ZFAND3: variants seen among roughly 807,000 people sequenced by gnomAD.
The protein encoded by ZFAND3 is zinc finger AN1-type containing 3.
In ZFAND3, 10 loss-of-function variants were observed where a neutral mutation model predicts 29.6. The observed-to-expected ratio is 0.34, with a 90% confidence interval of 0.21 to 0.57. The LOEUF (loss-of-function observed/expected upper bound fraction) is 0.57. Ranked by LOEUF, ZFAND3 falls within the 20% of genes least tolerant of loss-of-function variation. The pLI is 0.86. For missense variants in ZFAND3, 230 were observed against 304.5 expected (o/e 0.76, Z 1.82); for synonymous variants, 128 against 112.6 (o/e 1.14, Z -0.87).
At chr6:38,042,173 G>A (rs1424401438) in intron 2 of ZFAND3, among the ~76,000 whole-genome samples, 1 of 151,846 alleles carries the variant, frequency 6.6e-6, no homozygotes, top group African/African-American at 2.4e-5. Flanking sequence ...TCCTTAAAAT[G>A]ATTTTCTTAA....
intron 1 of ZFAND3, among the ~76,000 whole-genome samples, chr6:37,827,518 G>T (rs1763781823): frequency 6.6e-6 from 1 of 152,190 alleles, no homozygotes; most frequent in Non-Finnish European, 1.5e-5. Flanking sequence ...TGTGATTAGG[G>T]ATAAGTGCAT....
intron 1 of ZFAND3, among the ~76,000 whole-genome samples, chr6:37,886,534 G>A (rs1460371705): frequency 6.6e-6 from 1 of 152,142 alleles, no homozygotes; most frequent in Non-Finnish European, 1.5e-5. Flanking sequence ...CTAATCACAG[G>A]AGATTTTCTG....
intron 4 of ZFAND3, among the ~76,000 whole-genome samples, chr6:38,109,393 A>C (rs1765272033): frequency 6.6e-6 from 1 of 152,090 alleles, no homozygotes; most frequent in Admixed American, 6.5e-5. Context: ...TTGGTTGGCC[A>C]GGATGGTCTC....
chr6:37,854,347 G>T (rs891900136), intron 1 of ZFAND3, among the ~76,000 whole-genome samples: 1 of 152,176 alleles, frequency 6.6e-6, no homozygotes, highest in South Asian at 2.1e-4. Context: ...CTTTAGGGGA[G>T]ACATGAATTC....
intron 2 of ZFAND3, among the ~76,000 whole-genome samples, chr6:37,935,010 T>A (rs1024688321): frequency 6.6e-6 from 1 of 152,192 alleles, no homozygotes; most frequent in Non-Finnish European, 1.5e-5. Flanking sequence ...TGTTTGGAAA[T>A]GTGGATCTAT....
intron 2 of ZFAND3, among the ~76,000 whole-genome samples, chr6:37,998,791 G>A (rs1170283252): frequency 6.6e-6 from 1 of 152,166 alleles, no homozygotes; most frequent in Non-Finnish European, 1.5e-5. Context: ...AGGGGAAGAG[G>A]CTAGAATGGT....
chr6:37,912,811 GA>G (rs1765546698), intron 1 of ZFAND3, among the ~76,000 whole-genome samples: 1 of 152,120 alleles, frequency 6.6e-6, no homozygotes, highest in African/African-American at 2.4e-5. Context: ...ACTTAGTTTA[GA>G]AATATTAGGA....
chr6:38,098,876 T>C (rs189578051), intron 4 of ZFAND3, among the ~76,000 whole-genome samples: 36 of 152,294 alleles, frequency 2.4e-4, no homozygotes, highest in Admixed American at 8.5e-4. Flanking sequence ...CTTCAATACA[T>C]ATATATATGT....
chr6:38,026,176 A>G (rs1232407620), intron 2 of ZFAND3, among the ~76,000 whole-genome samples: 1 of 152,132 alleles, frequency 6.6e-6, no homozygotes, highest in Non-Finnish European at 1.5e-5. Flanking sequence ...CTGTCCCCTA[A>G]ATACACTTAC....
At chr6:38,140,762 T>C (rs1252218945) in intron 5 of ZFAND3, among the ~76,000 whole-genome samples, 3 of 152,300 alleles carry the variant, frequency 2.0e-5, no homozygotes, top group East Asian at 3.9e-4. Context: ...GCTATGTGGT[T>C]ATTAATACCT....
At chr6:37,895,908 C>T (rs1765195104) in intron 1 of ZFAND3, among the ~76,000 whole-genome samples, 1 of 152,122 alleles carries the variant, frequency 6.6e-6, no homozygotes, top group African/African-American at 2.4e-5. Context: ...AGGCAAAACC[C>T]TTTTGAGCAC....
chr6:38,153,972 G>GT lies in ZFAND3; in HGVS notation c.*1589dup, dbSNP rs1430264452. 1.0e-6 allele frequency: 1 copy of GT among 985,358 alleles called. No homozygotes were observed. Among genetic ancestry groups the GT allele is most frequent in the African/African-American group, 1.7e-5 (1 of 57,252 alleles). 61.0% of individuals were successfully genotyped at this position (985,358 alleles called of 1,614,324 possible). On this transcript the variant is annotated 3_prime_UTR_variant, in exon 6 of 6. Coordinates refer to ENST00000287218, the MANE Select transcript of ZFAND3 (RefSeq NM_021943.3). ...CAGCTGAACACCTGCAACTGCAAAT[G>GT]TTTTTTGATCCGACGTACTGAAATA... is the stretch of plus-strand genomic sequence containing the variant.
At chr6:38,020,205 C>T (rs1041752665) in intron 2 of ZFAND3, among the ~76,000 whole-genome samples, 2 of 152,126 alleles carry the variant, frequency 1.3e-5, no homozygotes, top group Admixed American at 1.3e-4. Flanking sequence ...AATAATTATA[C>T]CTGCCTCCAG....
intron 2 of ZFAND3, among the ~76,000 whole-genome samples, chr6:38,026,545 T>A (rs1448844032): frequency 6.8e-6 from 1 of 146,654 alleles, no homozygotes; most frequent in East Asian, 2.2e-4. Flanking sequence ...TTCTCGTGCC[T>A]CAGCCTCCCA....
chr6:38,049,382 A>G (rs1429917210), intron 2 of ZFAND3, among the ~76,000 whole-genome samples: 2 of 152,218 alleles, frequency 1.3e-5, no homozygotes, highest in Non-Finnish European at 2.9e-5. Context: ...TTTATTAGGT[A>G]GATAGTATTA....
At chr6:37,963,779 A>T (rs946027410) in intron 2 of ZFAND3, among the ~76,000 whole-genome samples, 1 of 151,976 alleles carries the variant, frequency 6.6e-6, no homozygotes, top group African/African-American at 2.4e-5. Flanking sequence ...GAATTTAAAG[A>T]TGTTCTATTG....
intron 3 of ZFAND3, among the ~76,000 whole-genome samples, chr6:38,072,568 G>C (rs1764477945): frequency 6.6e-6 from 1 of 151,828 alleles, no homozygotes; most frequent in South Asian, 2.1e-4. Flanking sequence ...TTTTTATTTT[G>C]TGTAGGTACA....
intron 1 of ZFAND3, among the ~76,000 whole-genome samples, chr6:37,891,929 G>A (rs1201412714): frequency 6.6e-6 from 1 of 152,008 alleles, no homozygotes; most frequent in Non-Finnish European, 1.5e-5. Flanking sequence ...GGGTTTCACT[G>A]TGTTGCCCAG....
At chr6:37,867,690 A>G (rs1156795058) in intron 1 of ZFAND3, among the ~76,000 whole-genome samples, 9 of 152,192 alleles carry the variant, frequency 5.9e-5, no homozygotes, top group Admixed American at 1.3e-4. Flanking sequence ...AGTTACCTAA[A>G]CTAGTGGCAT....
Sources: allele counts gnomAD v4.1 joint callset (sites outside exome capture counted in the v4.1 genomes callset), GRCh38; gene constraint gnomAD v4.1.1; transcripts MANE v1.5; gene names NCBI Gene and HGNC (gene_info 2026-07-23, HGNC 2026-07-21).